The following SNTG1 variants were observed in gnomAD, a reference collection of about 807,000 sequenced individuals.
SNTG1 encodes syntrophin gamma 1, also known as gamma-1-syntrophin.
SNTG1 carries 39 observed loss-of-function variants against 74.7 expected under a neutral mutation model. The observed-to-expected ratio is 0.52, with a 90% confidence interval of 0.40 to 0.68. The LOEUF (loss-of-function observed/expected upper bound fraction) is 0.68. SNTG1 is among the 30% of genes least tolerant of loss of function. The pLI, the probability that SNTG1 is intolerant of heterozygous loss-of-function variation, is 0.00. For synonymous variants in SNTG1, 254 were observed against 217.1 expected (o/e 1.17, Z -1.49); for missense variants, 685 against 609.5 (o/e 1.12, Z -1.30).
chr8:50,162,772 T>C (rs905601736), intron 1 of SNTG1, among the ~76,000 whole-genome samples: 7 of 152,070 alleles, frequency 4.6e-5, no homozygotes, highest in Admixed American at 2.6e-4. Flanking sequence ...TCCTCATGAT[T>C]ATGCAGTGAC....
At chr8:50,226,303 A>T (rs759566110) in intron 2 of SNTG1, among the ~76,000 whole-genome samples, 18 of 152,310 alleles carry the variant, frequency 1.2e-4, no homozygotes, top group South Asian at 4.1e-4. Flanking sequence ...TGACTCTGGC[A>T]TAACACTATG....
chr8:50,449,567 A>T, intron 5 of SNTG1, 101 bp from the exon 6 acceptor site: 1 of 755,142 alleles, frequency 1.3e-6, no homozygotes, highest in Non-Finnish European at 1.9e-6. Flanking sequence ...AATTCTGCCT[A>T]ATATCCACTT....
intron 18 of SNTG1, among the ~76,000 whole-genome samples, chr8:50,758,656 C>G (rs554499226): frequency 6.6e-6 from 1 of 152,164 alleles, no homozygotes; most frequent in Non-Finnish European, 1.5e-5. Context: ...ATGAACTCAT[C>G]CGTTTTTATG....
intron 2 of SNTG1, among the ~76,000 whole-genome samples, chr8:50,265,819 A>T (rs2087435448): frequency 6.6e-6 from 1 of 152,038 alleles, no homozygotes; most frequent in Non-Finnish European, 1.5e-5. Context: ...TAAATGAAAT[A>T]AAAAAACAAT....
chr8:50,732,368 G>A (rs2095514997), intron 17 of SNTG1, among the ~76,000 whole-genome samples: 1 of 144,602 alleles, frequency 6.9e-6, no homozygotes, highest in Admixed American at 7.0e-5. Flanking sequence ...GAGGTACTTT[G>A]GCAGACATTT....
At chr8:50,132,249 T>C (rs116067285) in intron 1 of SNTG1, among the ~76,000 whole-genome samples, 1,999 of 152,290 alleles carry the variant, frequency 0.013, 47 homozygotes, top group African/African-American at 0.046. Flanking sequence ...TTAAAATATA[T>C]TCACCATATC....
rs772622742 is a variant in SNTG1, at chr8:50,049,310, A to G, written c.-102-123251A>G. On this transcript the variant is annotated intron_variant, in intron 1 of 18. Transcript: ENST00000642720. The stretch of plus-strand genomic sequence containing the variant: ...TAAAGAAACAGATAGACAACTTGTA[A>G]ATATATAGAGAAATATATGCCATGT... Among the ~76,000 whole-genome samples the G allele has an allele frequency of 6.6e-5, 10 of 152,290 alleles. No homozygotes were observed. The South Asian group carries it at 8.3e-4, about 13-fold the overall frequency.
intron 13 of SNTG1, among the ~76,000 whole-genome samples, chr8:50,613,882 G>A (rs2094868393): frequency 6.6e-6 from 1 of 152,128 alleles, no homozygotes. Flanking sequence ...AGGTCTATAT[G>A]TGTAAAAATA....
chr8:50,789,221 G>A (rs1005396321), intron 18 of SNTG1, among the ~76,000 whole-genome samples: 16 of 151,812 alleles, frequency 1.1e-4, no homozygotes, highest in Non-Finnish European at 1.5e-5. Context: ...GATTAAAATG[G>A]CCTCTGTGTT....
intron 2 of SNTG1, among the ~76,000 whole-genome samples, chr8:50,308,448 A>G (rs1277907433): frequency 6.6e-6 from 1 of 152,000 alleles, no homozygotes; most frequent in Non-Finnish European, 1.5e-5. Context: ...GTGTATAGCT[A>G]TCTTACCTCC....
intron 8 of SNTG1, among the ~76,000 whole-genome samples, chr8:50,500,452 G>A (rs1295816515): frequency 6.6e-6 from 1 of 151,914 alleles, no homozygotes; most frequent in African/African-American, 2.4e-5. Flanking sequence ...GAATCAAAAA[G>A]CTTGTAATTT....
At chr8:50,561,715 A>ATAAT (rs1302962654) in intron 12 of SNTG1, among the ~76,000 whole-genome samples, 1 of 152,304 alleles carries the variant, frequency 6.6e-6, no homozygotes, top group East Asian at 1.9e-4. Flanking sequence ...TGAAAGTAAA[A>ATAAT]TAATAGATTA....
rs529131405 is a variant in SNTG1 at position 50,732,693 on chromosome 8, TACA to T, written c.1285-19305_1285-19303del. ...ATTTAAAATTGCTGTACTAAAATTT[TACA>T]ACGTCATCAACAATGTTATGTAAAT... On this transcript the variant is annotated intron_variant, in intron 17 of 18. Coordinates refer to ENST00000642720, the MANE Select transcript of SNTG1 (RefSeq NM_018967.5). Among the ~76,000 whole-genome samples, 18 of 152,048 alleles carry T rather than the reference TACA, an allele frequency of 1.2e-4. No homozygotes were observed. The South Asian group carries it at 3.3e-3, about 28-fold the overall frequency.
chr8:50,778,610 G>T (rs1452782238), intron 18 of SNTG1, among the ~76,000 whole-genome samples: 3 of 151,514 alleles, frequency 2.0e-5, no homozygotes, highest in Non-Finnish European at 4.4e-5. Flanking sequence ...TTAGCCCTCT[G>T]TCAGATGAGT....
chr8:50,724,903 T>C (rs1461403115), intron 17 of SNTG1, among the ~76,000 whole-genome samples: 2 of 152,146 alleles, frequency 1.3e-5, no homozygotes, highest in African/African-American at 4.8e-5. Context: ...ACTTTTATTC[T>C]ACAAATGGGA....
intron 1 of SNTG1, among the ~76,000 whole-genome samples, chr8:50,078,023 T>C (rs1822055693): frequency 6.6e-6 from 1 of 152,168 alleles, no homozygotes; most frequent in South Asian, 2.1e-4. Context: ...GATATAGATA[T>C]AGTATCCAAT....
chr8:50,134,653 C>T (rs1466032150), intron 1 of SNTG1, among the ~76,000 whole-genome samples: 1 of 151,966 alleles, frequency 6.6e-6, no homozygotes, highest in African/African-American at 2.4e-5. Flanking sequence ...GGGTACATTC[C>T]TTTTTCTTAA....
chr8:49,990,522 G>A (rs1294996988), intron 1 of SNTG1, among the ~76,000 whole-genome samples: 1 of 151,856 alleles, frequency 6.6e-6, no homozygotes, highest in Non-Finnish European at 1.5e-5. Context: ...CTTACTTCTT[G>A]TATATATGTA....
intron 9 of SNTG1, among the ~76,000 whole-genome samples, chr8:50,513,505 C>T (rs560404951): frequency 7.2e-5 from 11 of 152,368 alleles, no homozygotes; most frequent in African/African-American, 2.6e-4. Flanking sequence ...CTATGCCCTG[C>T]CCCCAGTGGC....
Sources: allele counts gnomAD v4.1 joint callset (sites outside exome capture counted in the v4.1 genomes callset), GRCh38; gene constraint gnomAD v4.1.1; transcripts MANE v1.5; gene names NCBI Gene and HGNC (gene_info 2026-07-23, HGNC 2026-07-21).